BTBD2: variants seen among roughly 807,000 people sequenced by gnomAD.
BTBD2 encodes BTB/POZ domain-containing protein 2.
BTBD2 carries 15 observed loss-of-function variants against 44.0 expected under a neutral mutation model. The ratio of observed to expected loss-of-function variants is 0.34; its 90% CI spans 0.23 to 0.53. The LOEUF (loss-of-function observed/expected upper bound fraction) is 0.53. BTBD2 is among the 20% of genes least tolerant of loss of function. BTBD2 has a pLI of 0.95. For missense variants in BTBD2, 657 were observed against 746.4 expected (o/e 0.88, Z 1.39); for synonymous variants, 443 against 335.9 (o/e 1.32, Z -3.49).
At chr19:2,004,408 C>T (rs1218581849) in intron 1 of BTBD2, among the ~76,000 whole-genome samples, 1 of 151,756 alleles carries the variant, frequency 6.6e-6, no homozygotes, top group Admixed American at 6.6e-5. Context: ...AGCAATTCTC[C>T]TGCTTCAGCC....
intron 1 of BTBD2, among the ~76,000 whole-genome samples, chr19:1,998,555 G>A (rs769462866): frequency 3.9e-5 from 6 of 152,202 alleles, no homozygotes; most frequent in African/African-American, 7.2e-5. Flanking sequence ...TCAGATCTTC[G>A]ATATCGCCAC....
Position 2,008,129 on chromosome 19 carries a change from C to T in BTBD2, c.407+7168G>A, listed in dbSNP as rs549168337. On this transcript the variant is annotated intron_variant, in intron 1 of 8. Transcript: ENST00000255608. Reference sequence around the variant, plus strand: ...AAGCAATTCTCCTGCCTCAACCTCCCGAGTAGCTGGGATTACAGGCACCTG... The same window carrying T: ...AAGCAATTCTCCTGCCTCAACCTCCTGAGTAGCTGGGATTACAGGCACCTG... Among the ~76,000 whole-genome samples the T allele has an allele frequency of 9.2e-4, 140 of 152,008 alleles. 1 individual carries two copies. Among genetic ancestry groups the T allele is most frequent in the Non-Finnish European group, 1.6e-3 (107 of 67,980 alleles).
At chr19:2,000,497 C>A (rs1478036543) in intron 1 of BTBD2, among the ~76,000 whole-genome samples, 7 of 152,234 alleles carry the variant, frequency 4.6e-5, no homozygotes, top group African/African-American at 1.7e-4. Flanking sequence ...CAGGGAGCAC[C>A]TCTGACATGG....
rs575387080 is a variant in BTBD2 at position 1,987,479 on chromosome 19, C to G, written c.1181+21G>C. 5.8e-5 allele frequency: 90 copies of G among 1,541,070 alleles called. No homozygotes were observed. In the Admixed American group the frequency reaches 8.3e-4, roughly 14 times the overall value. On this transcript the variant is annotated intron_variant, in intron 6 of 8. Transcript: ENST00000255608. Reference sequence around the variant, plus strand: ...CTCCACCCCCATGTCCGGACCCCCCCGCCTGCACCCCAAGCCCCACCTGAT... The same window carrying G: ...CTCCACCCCCATGTCCGGACCCCCCGGCCTGCACCCCAAGCCCCACCTGAT...
chr19:1,987,362 C>A, intron 6 of BTBD2, 109 bp from the exon 7 acceptor site: 3 of 1,430,354 alleles, frequency 2.1e-6, no homozygotes, highest in African/African-American at 1.4e-5. Context: ...CTGAGTCCTC[C>A]ACCCCCATGC....
chr19:1,989,416 C>T (rs112248535), intron 5 of BTBD2: 3,521 of 156,222 alleles, frequency 0.023, 123 homozygotes, highest in African/African-American at 0.08. Flanking sequence ...TAAGCAAGAG[C>T]GGGGGCCGCG....
In BTBD2 at chr19:2,010,848, A is replaced by G. The variant is rs529849947; in HGVS notation, c.407+4449T>C. On this transcript the variant is annotated intron_variant, in intron 1 of 8. Transcript: ENST00000255608. The stretch of plus-strand genomic sequence containing the variant: ...GAGACGGGGTTTTGCCACGATGGCC[A>G]GGCTGGTCTCAAACCCCTGACCTCA... Among the ~76,000 whole-genome samples, 4 of 152,244 alleles carry G rather than the reference A, an allele frequency of 2.6e-5. No homozygotes were observed. In the East Asian group the frequency reaches 7.7e-4, roughly 29 times the overall value.
intron 1 of BTBD2, 99 bp downstream of exon 1, chr19:2,015,198 G>T: frequency 7.3e-7 from 1 of 1,372,342 alleles, no homozygotes; most frequent in Non-Finnish European, 9.4e-7. Context: ...GGAGGGGTGC[G>T]GGGGTCTCGG....
At chr19:1,992,124 ACT>A (rs2016188523) in intron 3 of BTBD2, 1 of 147,122 alleles carries the variant, frequency 6.8e-6, no homozygotes, top group Non-Finnish European at 1.5e-5. Flanking sequence ...ACAGGGTCTC[ACT>A]CTGTCACTCA....
intron 1 of BTBD2, chr19:2,013,762 T>C (rs778009323): frequency 3.9e-5 from 33 of 842,252 alleles, no homozygotes; most frequent in South Asian, 1.6e-4. Context: ...ATCCAGATCA[T>C]GTGCTGAGCC....
Position 1,990,572 on chromosome 19 carries a change from G to A in BTBD2, c.790+145C>T, listed in dbSNP as rs79864101. ...CCGGACTCCCGTGGGGCTGTGCTAGGACCCAAACTCCTGACCTGCTGCAAG... is the reference window on the plus strand; with the variant it reads ...CCGGACTCCCGTGGGGCTGTGCTAGAACCCAAACTCCTGACCTGCTGCAAG... On this transcript the variant is annotated intron_variant, in intron 4 of 8. Transcript: ENST00000255608. 1.1e-3 allele frequency: 859 copies of A among 775,548 alleles called. 9 individuals carry two copies. In the East Asian group the frequency reaches 0.019, roughly 17 times the overall value. The allele number at this position is 775,548 out of a possible 1,614,324, so 48.0% of individuals were successfully genotyped here. A position where few individuals can be genotyped will look rare whatever the true frequency, so the allele number is the denominator to read the frequency against.
intron 1 of BTBD2, among the ~76,000 whole-genome samples, chr19:2,006,703 T>G (rs992595384): frequency 6.6e-6 from 1 of 151,894 alleles, no homozygotes; most frequent in Non-Finnish European, 1.5e-5. Context: ...TTTTTTTTTT[T>G]CTGAGACGGA....
intron 1 of BTBD2, among the ~76,000 whole-genome samples, chr19:2,007,741 G>A (rs1209331517): frequency 1.3e-5 from 2 of 152,162 alleles, no homozygotes; most frequent in Non-Finnish European, 1.5e-5. Context: ...CAAGAGAACT[G>A]CCGGGAACCC....
intron 1 of BTBD2, among the ~76,000 whole-genome samples, chr19:2,000,197 C>G (rs980080398): frequency 1.3e-5 from 2 of 152,054 alleles, no homozygotes; most frequent in Non-Finnish European, 2.9e-5. Flanking sequence ...GTTTGACCCC[C>G]CCAGTGTGTG....
At chr19:1,996,542 T>G (rs1345961597) in intron 2 of BTBD2, among the ~76,000 whole-genome samples, 1 of 77,908 alleles carries the variant, frequency 1.3e-5, no homozygotes, top group Non-Finnish European at 2.1e-5. Flanking sequence ...GGAGCAAAAC[T>G]GTCAAAAAAA....
intron 4 of BTBD2, 150 bp downstream of exon 4, chr19:1,990,567 G>A (rs2016161109): frequency 2.6e-6 from 2 of 755,146 alleles, no homozygotes; most frequent in Admixed American, 2.6e-5. Context: ...GTGGGGCTGT[G>A]CTAGGACCCA....
intron 1 of BTBD2, among the ~76,000 whole-genome samples, chr19:2,008,099 G>C (rs1282257962): frequency 1.3e-5 from 2 of 151,836 alleles, no homozygotes; most frequent in Non-Finnish European, 2.9e-5. Flanking sequence ...CCACCTCCCA[G>C]GTTCAAGCAA....
intron 1 of BTBD2, chr19:2,003,625 G>C (rs934479552): frequency 1.3e-5 from 2 of 151,526 alleles, no homozygotes; most frequent in Admixed American, 6.6e-5. Context: ...AAAATTAGCC[G>C]GGTGTGGTGA....
chr19:1,989,127 C>T (rs960199289), intron 5 of BTBD2, among the ~76,000 whole-genome samples: 4 of 152,110 alleles, frequency 2.6e-5, no homozygotes, highest in African/African-American at 9.7e-5. Context: ...GGCTCGGTGG[C>T]CCATGTCCAT....
Sources: gnomAD v4.1 joint callset for allele counts (sites outside exome capture counted in the v4.1 genomes callset) on GRCh38, gnomAD v4.1.1 for gene constraint, MANE v1.5 for transcripts, NCBI Gene and HGNC (gene_info 2026-07-23, HGNC 2026-07-21) for gene names.